The following ZRANB3 variants were observed in gnomAD, a reference collection of about 807,000 sequenced individuals.
ZRANB3 encodes DNA annealing helicase and endonuclease ZRANB3.
ZRANB3 carries 125 observed loss-of-function variants against 133.8 expected under a neutral mutation model. The ratio of observed to expected loss-of-function variants is 0.93; its 90% CI spans 0.81 to 1.08. The LOEUF is 1.08. ZRANB3 is among the 50% of genes least tolerant of loss of function. The pLI is 0.00. For missense variants in ZRANB3, 1,229 were observed against 1,275.5 expected (o/e 0.96, Z 0.56); for synonymous variants, 387 against 432.7 (o/e 0.89, Z 1.31).
intron 3 of ZRANB3, among the ~76,000 whole-genome samples, chr2:135,379,568 C>A (rs947251221): frequency 5.9e-5 from 9 of 152,088 alleles, no homozygotes; most frequent in Non-Finnish European, 5.9e-5. Flanking sequence ...CTAAGCTTCA[C>A]AAGTGAAGGA....
At chr2:135,496,139 T>A (rs1007097222) in intron 2 of ZRANB3, among the ~76,000 whole-genome samples, 1 of 152,044 alleles carries the variant, frequency 6.6e-6, no homozygotes, top group Non-Finnish European at 1.5e-5. Flanking sequence ...TCCCACCACT[T>A]TGGGAGGCCA....
chr2:135,380,832 A>G (rs1290398965), intron 3 of ZRANB3, among the ~76,000 whole-genome samples: 1 of 152,196 alleles, frequency 6.6e-6, no homozygotes, highest in Non-Finnish European at 1.5e-5. Flanking sequence ...ACTGAAGGAG[A>G]CAGAAACACA....
chr2:135,366,180 G>C (rs1685928661), intron 3 of ZRANB3, among the ~76,000 whole-genome samples: 1 of 152,058 alleles, frequency 6.6e-6, no homozygotes, highest in South Asian at 2.1e-4. Context: ...TCTCAACTAG[G>C]TAATTTTTGG....
chr2:135,219,537 T>C (rs557894796), intron 15 of ZRANB3, among the ~76,000 whole-genome samples: 62 of 152,370 alleles, frequency 4.1e-4, no homozygotes, highest in Middle Eastern at 3.4e-3. Flanking sequence ...TATAGAAGAA[T>C]ATTACATCCT....
At chr2:135,472,510 A>C (rs908211146) in intron 2 of ZRANB3, among the ~76,000 whole-genome samples, 39 of 151,830 alleles carry the variant, frequency 2.6e-4, no homozygotes, top group Non-Finnish European at 5.3e-4. Context: ...AAAAAAAAAA[A>C]AAAAAAAAAA....
chr2:135,239,997 G>C (rs1383152353), intron 12 of ZRANB3, among the ~76,000 whole-genome samples: 2 of 151,906 alleles, frequency 1.3e-5, no homozygotes, highest in Admixed American at 6.6e-5. Flanking sequence ...AAAAAAAAAG[G>C]GTGGAGGAAA....
intron 6 of ZRANB3, among the ~76,000 whole-genome samples, chr2:135,316,916 A>T (rs1446288899): frequency 6.7e-6 from 1 of 149,522 alleles, no homozygotes; most frequent in Non-Finnish European, 1.5e-5. Flanking sequence ...CAGTGAGCCG[A>T]GATCGTGCCA....
chr2:135,449,164 C>T (rs1459856797), intron 2 of ZRANB3, among the ~76,000 whole-genome samples: 1 of 152,160 alleles, frequency 6.6e-6, no homozygotes, highest in African/African-American at 2.4e-5. Flanking sequence ...GTGTCCATAG[C>T]ACCAGGTGAG....
Position 135,450,829 on chromosome 2 carries a change from G to A in ZRANB3, c.161+53500C>T, listed in dbSNP as rs150203808. ...CCAGTCTCTGTGAGTTGAAGAGGGGGAGCTGAGCATCTGGGAAGGCCAAGA... is the reference window on the plus strand; with the variant it reads ...CCAGTCTCTGTGAGTTGAAGAGGGGAAGCTGAGCATCTGGGAAGGCCAAGA... On this transcript the variant is annotated intron_variant, in intron 2 of 20. Coordinates refer to ENST00000264159, the MANE Select transcript of ZRANB3 (RefSeq NM_032143.4). 3.3e-5 allele frequency among the ~76,000 whole-genome samples: 5 copies of A among 152,294 alleles called. No homozygotes were observed. In the East Asian group the frequency reaches 7.7e-4, roughly 24 times the overall value.
intron 17 of ZRANB3, among the ~76,000 whole-genome samples, chr2:135,210,439 T>G (rs1694047560): frequency 6.7e-6 from 1 of 150,000 alleles, no homozygotes; most frequent in Admixed American, 6.6e-5. Context: ...GTTCAAGCTA[T>G]TCTCATGCCT....
At chr2:135,417,351 C>G (rs992224036) in intron 2 of ZRANB3, among the ~76,000 whole-genome samples, 1 of 151,928 alleles carries the variant, frequency 6.6e-6, no homozygotes, top group African/African-American at 2.4e-5. Flanking sequence ...CCAAAAGACA[C>G]ATGAAAAAAT....
intron 2 of ZRANB3, among the ~76,000 whole-genome samples, chr2:135,499,681 A>C (rs1295813438): frequency 6.6e-6 from 1 of 152,230 alleles, no homozygotes; most frequent in African/African-American, 2.4e-5. Context: ...AATATCTAAA[A>C]TGAAAATAAA....
chr2:135,478,226 A>G (rs1012665065), intron 2 of ZRANB3, among the ~76,000 whole-genome samples: 8 of 152,186 alleles, frequency 5.3e-5, no homozygotes, highest in Admixed American at 4.6e-4. Context: ...TGAAAAGCAA[A>G]GTACATGTAA....
intron 2 of ZRANB3, among the ~76,000 whole-genome samples, chr2:135,445,280 C>G (rs1326744390): frequency 6.6e-6 from 1 of 151,888 alleles, no homozygotes; most frequent in East Asian, 1.9e-4. Context: ...CCCATCTCTA[C>G]TAAAAATACA....
chr2:135,428,581 G>T (rs1304966862), intron 2 of ZRANB3, among the ~76,000 whole-genome samples: 1 of 152,096 alleles, frequency 6.6e-6, no homozygotes, highest in Non-Finnish European at 1.5e-5. Context: ...AGAATTTTGG[G>T]AGAAAATATC....
At position 135,275,678 on chromosome 2, in the gene ZRANB3, T is replaced by C; in HGVS notation, c.1044A>G (p.Leu348=). The change falls in exon 9 of 21, where the codon TTA becomes TTG. Residue 348 remains leucine (L), a synonymous_variant. Coordinates refer to ENST00000264159, the MANE Select transcript of ZRANB3 (RefSeq NM_032143.4). ...CTTCTGTGCAAGCTTGGAGCATGCT[T>C]AAATGGTGAGCAAAAACCAGAAATT... ...SLKFLVFAHH[L]SMLQACTEAV... is the part of the protein sequence containing the mutation. The C allele has an allele frequency of 6.2e-7, 1 of 1,608,496 alleles. No individual in the cohort carries two copies. Among genetic ancestry groups the C allele is most frequent in the Non-Finnish European group, 8.5e-7 (1 of 1,176,986 alleles).
intron 3 of ZRANB3, among the ~76,000 whole-genome samples, chr2:135,382,448 A>C (rs1237836530): frequency 6.6e-6 from 1 of 152,212 alleles, no homozygotes; most frequent in Non-Finnish European, 1.5e-5. Context: ...AACTTCCCCC[A>C]TCTAGCAAGG....
At chr2:135,304,705 T>A (rs939701608) in intron 8 of ZRANB3, among the ~76,000 whole-genome samples, 1 of 152,226 alleles carries the variant, frequency 6.6e-6, no homozygotes, top group East Asian at 1.9e-4. Context: ...ATGAATTAAA[T>A]TTTTCTAGTT....
intron 8 of ZRANB3, among the ~76,000 whole-genome samples, chr2:135,310,367 C>A (rs1169460445): frequency 6.6e-6 from 1 of 151,918 alleles, no homozygotes; most frequent in East Asian, 1.9e-4. Context: ...GGTGAAGGTG[C>A]CAAGGAAATT....
Sources: allele counts gnomAD v4.1 joint callset (sites outside exome capture counted in the v4.1 genomes callset), GRCh38; gene constraint gnomAD v4.1.1; transcripts MANE v1.5; gene names NCBI Gene and HGNC (gene_info 2026-07-23, HGNC 2026-07-21).